Variants in UBE2K observed in about 807,000 individuals in gnomAD.
UBE2K encodes the protein ubiquitin-conjugating enzyme E2 K.
UBE2K carries 6 observed loss-of-function variants against 30.0 expected under a neutral mutation model. That is an observed-to-expected ratio of 0.20 (90% CI 0.11 to 0.39). The LOEUF (loss-of-function observed/expected upper bound fraction) is 0.39. Among genes scored for constraint, UBE2K ranks in the 10% least tolerant of loss-of-function variants. UBE2K has a pLI of 1.00. For synonymous variants in UBE2K, 86 were observed against 83.7 expected, an observed-to-expected ratio of 1.03 and a Z score of -0.15; for missense variants, 61 against 241.6, an observed-to-expected ratio of 0.25 and a Z score of 4.96.
At chr4:39,760,682 G>C (rs897016700) in intron 4 of UBE2K, among the ~76,000 whole-genome samples, 4 of 152,234 alleles carry the variant, frequency 2.6e-5, no homozygotes, top group Admixed American at 2.6e-4. Context: ...CGGATCATGA[G>C]GTCAGGAGAT....
At chr4:39,721,495 A>G (rs1008083253) in intron 1 of UBE2K, among the ~76,000 whole-genome samples, 4 of 152,078 alleles carry the variant, frequency 2.6e-5, no homozygotes, top group African/African-American at 9.7e-5. Flanking sequence ...CTGGGACTAC[A>G]GGCACGTGCC....
intron 1 of UBE2K, among the ~76,000 whole-genome samples, chr4:39,705,212 T>C (rs1364833120): frequency 2.8e-5 from 4 of 144,680 alleles, no homozygotes; most frequent in African/African-American, 5.2e-5. Flanking sequence ...TTTTTTTTTT[T>C]TGGGAGACAG....
At chr4:39,770,500 G>A in intron 4 of UBE2K, 2 of 1,609,530 alleles carry the variant, frequency 1.2e-6, no homozygotes, top group African/African-American at 1.3e-5. Context: ...AAGCTCCCAG[G>A]CAGGGGTCCC....
In UBE2K at chr4:39,781,538, C is replaced by T. The variant is rs1021525969; in HGVS notation, c.*3104C>T. The T allele has an allele frequency of 6.1e-6, 1 of 164,114 alleles. No homozygotes were observed. The highest frequency in any genetic ancestry group is 1.3e-5 in the Non-Finnish European group (1 of 76,234). 10.2% of individuals were successfully genotyped at this position (164,114 alleles called of 1,614,324 possible). On this transcript the variant is annotated 3_prime_UTR_variant, in exon 7 of 7. Transcript: ENST00000261427. The stretch of plus-strand genomic sequence containing the variant: ...AGCAGATCTTGGGTATAAGTGTATG[C>T]CTGATTTGAGCTTTTAAAACTGTGC...
chr4:39,726,664 C>T (rs543017312), intron 1 of UBE2K, among the ~76,000 whole-genome samples: 4 of 152,200 alleles, frequency 2.6e-5, no homozygotes, highest in African/African-American at 4.8e-5. Context: ...GGTGCGATCT[C>T]GGCTTACTGC....
intron 1 of UBE2K, among the ~76,000 whole-genome samples, chr4:39,708,878 T>C (rs1406382830): frequency 1.3e-5 from 2 of 151,926 alleles, no homozygotes; most frequent in East Asian, 3.9e-4. Context: ...TGACTGCTAA[T>C]ACAACTTTAC....
At chr4:39,700,252 T>C (rs540339431) in intron 1 of UBE2K, among the ~76,000 whole-genome samples, 2 of 152,110 alleles carry the variant, frequency 1.3e-5, no homozygotes, top group African/African-American at 4.8e-5. Context: ...TCTCTAGTAA[T>C]GCATATTAAA....
chr4:39,718,179 C>G (rs992171844), intron 1 of UBE2K, among the ~76,000 whole-genome samples: 3 of 152,140 alleles, frequency 2.0e-5, no homozygotes, highest in Admixed American at 1.3e-4. Flanking sequence ...GTCTGTTTTA[C>G]AGAGAGTTGA....
chr4:39,760,198 A>G (rs1379956636), intron 4 of UBE2K, among the ~76,000 whole-genome samples: 1 of 142,926 alleles, frequency 7.0e-6, no homozygotes, highest in East Asian at 2.0e-4. Flanking sequence ...AAAAACAGAA[A>G]AAAAAAAAAA....
intron 1 of UBE2K, among the ~76,000 whole-genome samples, chr4:39,721,539 T>G (rs79408259): frequency 6.6e-6 from 1 of 151,988 alleles, no homozygotes; most frequent in Non-Finnish European, 1.5e-5. Context: ...TTTTTTTTTG[T>G]AGAGATGGGG....
At chr4:39,717,535 A>G (rs1719149888) in intron 1 of UBE2K, among the ~76,000 whole-genome samples, 1 of 152,172 alleles carries the variant, frequency 6.6e-6, no homozygotes, top group Non-Finnish European at 1.5e-5. Context: ...AGCCTCTCCC[A>G]GCTTTTCTAG....
At chr4:39,771,708 G>A (rs533072263) in intron 4 of UBE2K, among the ~76,000 whole-genome samples, 1 of 152,170 alleles carries the variant, frequency 6.6e-6, no homozygotes, top group Admixed American at 6.6e-5. Context: ...TCAAACCCTG[G>A]AGTTTCTGAT....
chr4:39,782,116 A>T lies in UBE2K; in HGVS notation c.*3682A>T, dbSNP rs987489792. ...TGCTTCATTGGACTGATACACCCTC[A>T]TGAACTTGCAATCACCTAAATGGAA... On this transcript the variant is annotated 3_prime_UTR_variant, in exon 7 of 7. Transcript: ENST00000261427. The T allele has an allele frequency of 7.6e-6, 3 of 394,610 alleles. No homozygotes were observed. The highest frequency in any genetic ancestry group is 6.2e-5 in the African/African-American group (3 of 48,536). 24.4% of individuals were successfully genotyped at this position (394,610 alleles called of 1,614,324 possible). A position where few individuals can be genotyped will look rare whatever the true frequency, so the allele number is the denominator to read the frequency against.
chr4:39,703,587 G>T (rs1247604447), intron 1 of UBE2K, among the ~76,000 whole-genome samples: 1 of 151,162 alleles, frequency 6.6e-6, no homozygotes. Context: ...GGTGGCTCAC[G>T]CCTGTAATCC....
Position 39,774,612 on chromosome 4 carries a change from CA to C in UBE2K, c.300-221del, listed in dbSNP as rs899260899. ...TGGGCGACAGAGCCAGACTCCGTCT[CA>C]GGGGAAAAAAAGAAAAAAGAAATAG... On this transcript the variant is annotated intron_variant, in intron 4 of 6. Transcript: ENST00000261427. Among the ~76,000 whole-genome samples, 22 of 150,456 alleles carry C rather than the reference CA, an allele frequency of 1.5e-4. 1 individual carries two copies. Among genetic ancestry groups the C allele is most frequent in the South Asian group, 6.3e-4 (3 of 4,744 alleles).
At chr4:39,709,027 G>A (rs302935) in intron 1 of UBE2K, among the ~76,000 whole-genome samples, 124,963 of 151,430 alleles carry the variant, frequency 0.83, 52,104 homozygotes, top group East Asian at 0.92. Flanking sequence ...AGTAATTAAG[G>A]GCGTGGGCTT....
At chr4:39,712,268 C>T (rs1238638732) in intron 1 of UBE2K, among the ~76,000 whole-genome samples, 3 of 128,204 alleles carry the variant, frequency 2.3e-5, no homozygotes, top group African/African-American at 8.9e-5. Flanking sequence ...GTGGCAAGAT[C>T]TCAGCTCACT....
intron 1 of UBE2K, among the ~76,000 whole-genome samples, chr4:39,736,879 G>A (rs745840680): frequency 2.0e-5 from 3 of 152,198 alleles, no homozygotes; most frequent in Non-Finnish European, 4.4e-5. Context: ...GAATCTGTTA[G>A]GTAGCTAGAG....
intron 3 of UBE2K, among the ~76,000 whole-genome samples, chr4:39,747,266 C>G (rs1721029855): frequency 6.6e-6 from 1 of 152,008 alleles, no homozygotes; most frequent in East Asian, 1.9e-4. Flanking sequence ...GTGTATTTAC[C>G]TTGTTGTTTA....
Sources: gnomAD v4.1 joint callset for allele counts (sites outside exome capture counted in the v4.1 genomes callset) on GRCh38, gnomAD v4.1.1 for gene constraint, MANE v1.5 for transcripts, NCBI Gene and HGNC (gene_info 2026-07-23, HGNC 2026-07-21) for gene names.